PLXNB2: variants seen among roughly 807,000 people sequenced by gnomAD.
The protein encoded by PLXNB2 is plexin-B2.
PLXNB2 carries 85 observed loss-of-function variants against 202.6 expected under a neutral mutation model. The observed-to-expected ratio is 0.42, with a 90% CI of 0.35 to 0.50. PLXNB2 has a LOEUF of 0.50. Ranked by LOEUF, PLXNB2 falls within the 20% of genes least tolerant of loss-of-function variation. The pLI is 0.02. For synonymous variants in PLXNB2, 1,239 were observed against 1,137.6 expected, an observed-to-expected ratio of 1.09 and a Z score of -1.79; for missense variants, 2,063 against 2,586.2, an observed-to-expected ratio of 0.80 and a Z score of 4.39.
At chr22:50,278,052 G>C (rs769904329) in intron 31 of PLXNB2, 39 bp from the exon 32 acceptor site, 1 of 1,597,072 alleles carries the variant, frequency 6.3e-7, no homozygotes, top group Non-Finnish European at 8.6e-7. Flanking sequence ...CCGTGGGCGC[G>C]GCTCCTGGGG....
chr22:50,286,868 T>C (rs977502332), intron 8 of PLXNB2, among the ~76,000 whole-genome samples: 4 of 152,138 alleles, frequency 2.6e-5, no homozygotes, highest in African/African-American at 9.7e-5. Flanking sequence ...GGGAGCAGGC[T>C]GAAGACAAGT....
rs1452155293 is a variant in PLXNB2 at position 50,281,153 on chromosome 22, C to T, written c.3699G>A (p.Lys1233=). The change falls in exon 23 of 37, where the codon AAG becomes AAA. Residue 1233 remains lysine, a synonymous_variant. Coordinates refer to ENST00000359337, the MANE Select transcript of PLXNB2 (RefSeq NM_012401.4). The stretch of plus-strand genomic sequence containing the variant: ...CCAGGCCCTCCAGCTGGGACTTGAT[C>T]TTCTCATACTCTCGTTCGGCCTGCT... ...KSQQAEREYE[K]IKSQLEGLEE... The T allele has an allele frequency of 6.2e-7, 1 of 1,613,270 alleles. No homozygotes were observed.
rs1463210743 is a variant in PLXNB2, at chr22:50,289,427, A to G, written c.1068+90T>C. On this transcript the variant is annotated intron_variant, in intron 3 of 36. Coordinates refer to ENST00000359337, the MANE Select transcript of PLXNB2 (RefSeq NM_012401.4). The surrounding 1 kb of genome is among the most constrained non-coding windows in gnomAD (Gnocchi z 8.0). ...GGCGAGAGCCACGGCCACACTGCTC[A>G]CGTGCACCCTCCCCAGCAGGCTGGG... is the stretch of plus-strand genomic sequence containing the variant. 2.1e-6 allele frequency: 3 copies of G among 1,445,746 alleles called. No homozygotes were observed. Among genetic ancestry groups the G allele is most frequent in the Non-Finnish European group, 2.8e-6 (3 of 1,088,468 alleles). 89.6% of individuals were successfully genotyped at this position (1,445,746 alleles called of 1,614,324 possible). A position where few individuals can be genotyped will look rare whatever the true frequency, so the allele number is the denominator to read the frequency against.
At chr22:50,295,169 A>ATTTT (rs1455625541) in intron 1 of PLXNB2, among the ~76,000 whole-genome samples, 1 of 151,988 alleles carries the variant, frequency 6.6e-6, no homozygotes, top group Non-Finnish European at 1.5e-5. Context: ...AAATACAAAA[A>ATTTT]AATTAGATGG....
In PLXNB2 at chr22:50,288,656, T is replaced by C; in HGVS notation, c.1380+87A>G. ...AGCTCTGCAGCACCCCATCCTCCTC[T>C]GGCCCCCAGGCCTGTCCTAAGGGCC... is the stretch of plus-strand genomic sequence containing the variant. On this transcript the variant is annotated intron_variant, in intron 5 of 36. Transcript: ENST00000359337. This position sits in a 1 kb window ranked among gnomAD's most constrained non-coding sequence, Gnocchi z 5.0. 3 of 1,549,808 alleles carry C rather than the reference T, an allele frequency of 1.9e-6. No homozygotes were observed. The highest frequency in any genetic ancestry group is 3.6e-5 in the Admixed American group (2 of 55,654).
chr22:50,304,414 G>A (rs369856074), intron 1 of PLXNB2, among the ~76,000 whole-genome samples: 26 of 152,314 alleles, frequency 1.7e-4, no homozygotes, highest in African/African-American at 4.3e-4. Flanking sequence ...GAGCCAGGAG[G>A]GCCACTGTGT....
Position 50,281,409 on chromosome 22 carries a change from C to A in PLXNB2, c.3613G>T (p.Val1205Phe). The A allele has an allele frequency of 1.2e-6, 2 of 1,612,448 alleles. No homozygotes were observed. The highest frequency in any genetic ancestry group is 1.7e-6 in the Non-Finnish European group (2 of 1,179,780). The change falls in exon 22 of 37, where the codon GTC becomes TTC. Residue 1205 changes from valine to phenylalanine, a missense_variant. Coordinates refer to ENST00000359337, the MANE Select transcript of PLXNB2 (RefSeq NM_012401.4). ...ATGACGACCACCATGGGCACGATGA[C>A]CAGCGGCAAGATGAGGCTGAGCGGC... ...DVPLSLILPL[V>F]IVPMVVVIAV... is the part of the protein sequence containing the mutation.
chr22:50,295,058 C>T (rs373424311), intron 1 of PLXNB2, among the ~76,000 whole-genome samples: 2 of 152,282 alleles, frequency 1.3e-5, no homozygotes, highest in East Asian at 1.9e-4. Context: ...CGGTGGCTCC[C>T]GCCTGTAATC....
intron 1 of PLXNB2, among the ~76,000 whole-genome samples, chr22:50,301,828 C>T (rs2067708056): frequency 6.6e-6 from 1 of 152,260 alleles, no homozygotes. Flanking sequence ...AGCCCCGCCT[C>T]GCCCATCACC....
chr22:50,289,749 C>T lies in PLXNB2; in HGVS notation c.836G>A (p.Cys279Tyr). Reference protein sequence around the residue: ...PDIHAAAFGTCLAASVAAPGS... With the variant: ...PDIHAAAFGTYLAASVAAPGS... ...AGGCGCAGCCACGGAGGCGGCCAGG[C>T]AGGTGCCAAAGGCAGCGGCGTGGAT... The change falls in exon 3 of 37, where the codon TGC becomes TAC. Residue 279 changes from cysteine (C) to tyrosine (Y), a missense_variant. By Grantham distance (194) the Cys-to-Tyr change is radical. Transcript: ENST00000359337. The surrounding 1 kb of genome is among the most constrained non-coding windows in gnomAD (Gnocchi z 8.0). 6.2e-7 allele frequency: 1 copy of T among 1,612,702 alleles called. No homozygotes were observed.
Position 50,278,998 on chromosome 22 carries a change from A to C in PLXNB2, c.4403T>G (p.Ile1468Ser), listed in dbSNP as rs998098306. ...VEYAPLTVSV[I>S]VQDEGVDAIP... is the part of the protein sequence containing the mutation. ...GGCGTCCACTCCCTCGTCCTGCACG[A>C]TCACGCTCACCGTCTGCCGAGACAT... Residue 1468 changes from isoleucine to serine, a missense_variant, in exon 28 of 37, where the codon ATC (isoleucine) becomes AGC (serine). By Grantham distance (142) the Ile-to-Ser change is moderately radical (BLOSUM62 -2). This residue lies in a region of PLXNB2 where 760 missense variants were observed against 1,109.4 expected (regional missense o/e 0.69). Transcript: ENST00000359337. 1 of 1,609,952 alleles carries C rather than the reference A, an allele frequency of 6.2e-7. No individual in the cohort carries two copies. The highest frequency in any genetic ancestry group is 2.2e-5 in the East Asian group (1 of 44,810).
chr22:50,303,209 T>C (rs1171784617), intron 1 of PLXNB2, among the ~76,000 whole-genome samples: 1 of 152,102 alleles, frequency 6.6e-6, no homozygotes, highest in Non-Finnish European at 1.5e-5. Flanking sequence ...GGACAGAGCA[T>C]GGACCCCAGG....
chr22:50,277,686 C>T lies in PLXNB2; in HGVS notation c.5101G>A (p.Asp1701Asn). 1 of 1,608,620 alleles carries T rather than the reference C, an allele frequency of 6.2e-7. No individual in the cohort carries two copies. ...TCCACCACCTCGTGGACATGCACGT[C>T]AAAGATGAAGTGGGGGTTCTTGAGG... ...NILKNPHFIF[D>N]VHVHEVVDAS... The change falls in exon 33 of 37, where the codon GAC becomes AAC. Residue 1701 changes from aspartate to asparagine, a missense_variant. Asp to Asn is a conservative substitution (Grantham distance 23, BLOSUM62 1). Around this residue, in one of 2 missense-constraint regions of PLXNB2, gnomAD observed 760 missense variants for 1,109.4 expected, o/e 0.69. Coordinates refer to ENST00000359337, the MANE Select transcript of PLXNB2 (RefSeq NM_012401.4).
Position 50,297,166 on chromosome 22 carries a change from C to T in PLXNB2, c.-73-2388G>A, listed in dbSNP as rs941674613. ...CTCCCGACGGAGGTGGCAGCCATGG[C>T]GGTGGCACGGTACCCCCAGACCTGC... On this transcript the variant is annotated intron_variant, in intron 1 of 36. Transcript: ENST00000359337. This position sits in a 1 kb window ranked among gnomAD's most constrained non-coding sequence, Gnocchi z 5.3. Among the ~76,000 whole-genome samples, 3 of 152,148 alleles carry T rather than the reference C, an allele frequency of 2.0e-5. No individual in the cohort carries two copies. Among genetic ancestry groups the T allele is most frequent in the Non-Finnish European group, 2.9e-5 (2 of 68,016 alleles).
rs766298920 is a variant in PLXNB2, at chr22:50,289,864, G to T, written c.721C>A (p.Arg241=). 6.2e-7 allele frequency: 1 copy of T among 1,613,168 alleles called. No individual in the cohort carries two copies. Residue 241 remains arginine, a synonymous_variant, in exon 3 of 37, where the codon CGG becomes AGG. Coordinates refer to ENST00000359337, the MANE Select transcript of PLXNB2 (RefSeq NM_012401.4). This position sits in a 1 kb window ranked among gnomAD's most constrained non-coding sequence, Gnocchi z 8.0. ...VFNQQDKHPA[R]NRTLLARMCR... is the part of the protein sequence containing the mutation. ...ATGCGTGCCAGCAGCGTGCGGTTCC[G>T]GGCCGGGTGCTTGTCCTGCTGGTTG...
intron 32 of PLXNB2, 24 bp downstream of exon 32, chr22:50,277,829 C>CG: frequency 1.9e-6 from 3 of 1,607,994 alleles, no homozygotes; most frequent in African/African-American, 1.3e-5. Flanking sequence ...GGGGCTGGGC[C>CG]GCGGGGTGGG....
rs187268347 is a variant in PLXNB2 at position 50,283,294 on chromosome 22, C to T, written c.2679+43G>A. 1,354 of 1,608,000 alleles carry T rather than the reference C, an allele frequency of 8.4e-4. 2 individuals carry two copies. The highest frequency in any genetic ancestry group is 1.4e-3 in the South Asian group (129 of 90,806). ...AGGCGGCGGGCAGAGCCCCTCCTCCCGGTCCTCCCGGGTTCGGCAGGTCCC... is the reference window on the plus strand; with the variant it reads ...AGGCGGCGGGCAGAGCCCCTCCTCCTGGTCCTCCCGGGTTCGGCAGGTCCC... On this transcript the variant is annotated intron_variant, in intron 16 of 36. Transcript: ENST00000359337.
At chr22:50,276,728 A>G (rs2147308430) in intron 34 of PLXNB2, 24 bp from the exon 35 acceptor site, 3 of 1,600,500 alleles carry the variant, frequency 1.9e-6, no homozygotes, top group Non-Finnish European at 2.6e-6. Flanking sequence ...AGCATCATAC[A>G]GTGTGGGCGG....
At chr22:50,303,917 G>A (rs67710834) in intron 1 of PLXNB2, among the ~76,000 whole-genome samples, 1 of 152,090 alleles carries the variant, frequency 6.6e-6, no homozygotes, top group East Asian at 1.9e-4. Flanking sequence ...GGAGACCTTA[G>A]GGGGCTGAGG....
Sources: gnomAD v4.1 joint callset for allele counts (sites outside exome capture counted in the v4.1 genomes callset) on GRCh38, gnomAD v4.1.1 for gene constraint, gnomAD v4.1.1 regional missense constraint, Gnocchi (gnomAD v3.1) non-coding constraint, MANE v1.5 for transcripts, NCBI Gene and HGNC (gene_info 2026-07-23, HGNC 2026-07-21) for gene names.